CCND1: variants seen among roughly 807,000 people sequenced by gnomAD.
CCND1 encodes cyclin D1, also known as G1/S-specific cyclin-D1.
CCND1 carries 9 observed loss-of-function variants against 26.1 expected under a neutral mutation model. That is an observed-to-expected ratio of 0.35 (90% CI 0.21 to 0.60). CCND1 has a LOEUF of 0.60. Among genes scored for constraint, CCND1 ranks in the 20% least tolerant of loss-of-function variants. The probability of loss-of-function intolerance (pLI) is 0.79; values close to 1 mark genes in which losing one functional copy is unlikely to be tolerated. For synonymous variants in CCND1, 194 were observed against 166.1 expected (o/e 1.17, Z -1.29); for missense variants, 335 against 392.9 (o/e 0.85, Z 1.25).
At position 69,641,442 on chromosome 11, in the gene CCND1, C is replaced by T. The variant is rs1395410503; in HGVS notation, c.129C>T (p.Ser43=). ...AGGAGACCTGCGCGCCCTCGGTGTCCTACTTCAAATGTGTGCAGAAGGAGG... is the reference window on the plus strand; with the variant it reads ...AGGAGACCTGCGCGCCCTCGGTGTCTTACTTCAAATGTGTGCAGAAGGAGG... The part of the protein sequence containing the change: ...KAEETCAPSV[S]YFKCVQKEVL... The change falls in exon 1 of 5, where the codon TCC becomes TCT. Residue 43 remains serine, a synonymous_variant. Transcript: ENST00000227507. 1.9e-6 allele frequency: 3 copies of T among 1,613,492 alleles called. No homozygotes were observed. Among genetic ancestry groups the T allele is most frequent in the Non-Finnish European group, 2.5e-6 (3 of 1,180,030 alleles).
rs1486252402 is a variant in CCND1 at position 69,641,333 on chromosome 11, G to A, written c.20G>A (p.Cys7Tyr). 6.2e-7 allele frequency: 1 copy of A among 1,612,584 alleles called. No homozygotes were observed. The highest frequency in any genetic ancestry group is 2.2e-5 in the East Asian group (1 of 44,864). ...CCAGCCATGGAACACCAGCTCCTGT[G>A]CTGCGAAGTGGAAACCATCCGCCGC... MEHQLL[C>Y]CEVETIRRAY... The change falls in exon 1 of 5, where the codon TGC (cysteine) becomes TAC (tyrosine). Residue 7 changes from cysteine (C) to tyrosine (Y), a missense_variant. Transcript: ENST00000227507.
rs2120089150 is a variant in CCND1, at chr11:69,643,132, G to A, written c.300G>A (p.Gln100=). 6.2e-7 allele frequency: 1 copy of A among 1,610,456 alleles called. No individual in the cohort carries two copies. The highest frequency in any genetic ancestry group is 8.5e-7 in the Non-Finnish European group (1 of 1,178,686). ...AGCCCGTGAAAAAGAGCCGCCTGCAGCTGCTGGGGGCCACTTGCATGTTCG... is the reference window on the plus strand; with the variant it reads ...AGCCCGTGAAAAAGAGCCGCCTGCAACTGCTGGGGGCCACTTGCATGTTCG... ...SLEPVKKSRL[Q]LLGATCMFVA... is the part of the protein sequence containing the mutation. Residue 100 remains glutamine, a synonymous_variant, in exon 2 of 5, where the codon CAG becomes CAA. Coordinates refer to ENST00000227507, the MANE Select transcript of CCND1 (RefSeq NM_053056.3).
intron 2 of CCND1, 61 bp downstream of exon 2, chr11:69,643,307 G>T: frequency 7.2e-7 from 1 of 1,385,798 alleles, no homozygotes; most frequent in Non-Finnish European, 9.9e-7. Context: ...CCACGGGGCC[G>T]GGGAAGGTGC....
chr11:69,647,644 T>C (rs1200613324), intron 3 of CCND1, among the ~76,000 whole-genome samples: 2 of 152,270 alleles, frequency 1.3e-5, no homozygotes. Flanking sequence ...ATTTTGTTTT[T>C]GTGAATACGT....
intron 4 of CCND1, among the ~76,000 whole-genome samples, chr11:69,650,466 G>A (rs1032594698): frequency 1.1e-4 from 17 of 152,208 alleles, no homozygotes; most frequent in Admixed American, 3.3e-4. Flanking sequence ...TTCCAGGAGC[G>A]TCCGTCGCAC....
intron 3 of CCND1, among the ~76,000 whole-genome samples, chr11:69,646,796 C>T (rs1047032126): frequency 3.3e-5 from 5 of 152,194 alleles, no homozygotes; most frequent in Non-Finnish European, 5.9e-5. Context: ...CAAACCAGGA[C>T]GTAATTGGTG....
chr11:69,642,936 C>G, intron 1 of CCND1, 95 bp from the exon 2 acceptor site: 2 of 885,198 alleles, frequency 2.3e-6, no homozygotes, highest in Non-Finnish European at 3.1e-6. Flanking sequence ...GCCCTCCAGA[C>G]CTGGCGGCCC....
Position 69,652,504 on chromosome 11 carries a change from A to G in CCND1, c.*1222A>G, listed in dbSNP as rs1855867600. 8.6e-6 allele frequency: 2 copies of G among 233,278 alleles called. No homozygotes were observed. Among genetic ancestry groups the G allele is most frequent in the Admixed American group, 5.6e-5 (1 of 17,768 alleles). The allele number at this position is 233,278 out of a possible 1,614,324, so 14.5% of individuals were successfully genotyped here. The stretch of plus-strand genomic sequence containing the variant: ...AGAAGAAAAAGGTTTGCATTCTCAC[A>G]TTGCCAGGATGATAAGTTCCTTTCC... On this transcript the variant is annotated 3_prime_UTR_variant, in exon 5 of 5. Coordinates refer to ENST00000227507, the MANE Select transcript of CCND1 (RefSeq NM_053056.3).
At position 69,641,186 on chromosome 11, in the gene CCND1, G is replaced by C. The variant is rs1447382880; in HGVS notation, c.-128G>C. 6 of 920,152 alleles carry C rather than the reference G, an allele frequency of 6.5e-6. No homozygotes were observed. Among genetic ancestry groups the C allele is most frequent in the East Asian group, 4.9e-5 (2 of 40,864 alleles). 57.0% of individuals were successfully genotyped at this position (920,152 alleles called of 1,614,324 possible). On this transcript the variant is annotated 5_prime_UTR_variant, in exon 1 of 5. Transcript: ENST00000227507. Reference sequence around the variant, plus strand: ...GCTGTCGGCGCAGTAGCAGCGAGCAGCAGAGTCCGCACGCTCCGGCGAGGG... The same window carrying C: ...GCTGTCGGCGCAGTAGCAGCGAGCACCAGAGTCCGCACGCTCCGGCGAGGG...
rs1171564865 is a variant in CCND1 at position 69,643,055 on chromosome 11, G to C, written c.223G>C (p.Glu75Gln). Reference sequence around the variant, plus strand: ...GGTCTGCGAGGAACAGAAGTGCGAGGAGGAGGTCTTCCCGCTGGCCATGAA... The same window carrying C: ...GGTCTGCGAGGAACAGAAGTGCGAGCAGGAGGTCTTCCCGCTGGCCATGAA... ...LEVCEEQKCE[E>Q]EVFPLAMNYL... The change falls in exon 2 of 5, where the codon GAG (glutamate) becomes CAG (glutamine). Residue 75 changes from glutamate to glutamine, a missense_variant. Glu to Gln is a conservative substitution (Grantham distance 29). Transcript: ENST00000227507. 7 of 1,606,046 alleles carry C rather than the reference G, an allele frequency of 4.4e-6. No homozygotes were observed. The highest frequency in any genetic ancestry group is 5.9e-6 in the Non-Finnish European group (7 of 1,176,834).
Position 69,653,615 on chromosome 11 carries a change from G to A in CCND1, c.*2333G>A, listed in dbSNP as rs140024500. 19 of 472,936 alleles carry A rather than the reference G, an allele frequency of 4.0e-5. No homozygotes were observed. The highest frequency in any genetic ancestry group is 1.2e-4 in the Admixed American group (3 of 24,600). The allele number at this position is 472,936 out of a possible 1,614,324, so 29.3% of individuals were successfully genotyped here. ...GGGGGCCGGCCCCGAGGCCGCGTGC[G>A]TGAGAACCGCGCCGGTGTCCCCAGA... On this transcript the variant is annotated 3_prime_UTR_variant, in exon 5 of 5. Coordinates refer to ENST00000227507, the MANE Select transcript of CCND1 (RefSeq NM_053056.3).
intron 2 of CCND1, 188 bp downstream of exon 2, chr11:69,643,434 C>T: frequency 2.0e-6 from 1 of 506,198 alleles, no homozygotes; most frequent in Non-Finnish European, 3.4e-6. Context: ...CGTCCCGCCG[C>T]CCTGTGTGCG....
At position 69,643,824 on chromosome 11, in the gene CCND1, G is replaced by A. The variant is rs762325000; in HGVS notation, c.415-8G>A. ...CTCCCCTGATGGCCGCTCACCCTGT[G>A]TTCGCAGCAAATGGAGCTGCTCCTG... is the stretch of plus-strand genomic sequence containing the variant. On this transcript the variant is annotated splice_region_variant and splice_polypyrimidine_tract_variant and intron_variant, in intron 2 of 4. Coordinates refer to ENST00000227507, the MANE Select transcript of CCND1 (RefSeq NM_053056.3). 2 of 1,602,146 alleles carry A rather than the reference G, an allele frequency of 1.2e-6. No homozygotes were observed. The highest frequency in any genetic ancestry group is 3.4e-5 in the Admixed American group (2 of 59,694).
chr11:69,646,131 G>T (rs970955048), intron 3 of CCND1, among the ~76,000 whole-genome samples: 2 of 152,176 alleles, frequency 1.3e-5, no homozygotes, highest in African/African-American at 4.8e-5. Flanking sequence ...CCTGGAGACG[G>T]GGGGGTGCAC....
Position 69,643,150 on chromosome 11 carries a change from C to T in CCND1, c.318C>T (p.Cys106=), listed in dbSNP as rs2120089337. 3 of 1,609,598 alleles carry T rather than the reference C, an allele frequency of 1.9e-6. No individual in the cohort carries two copies. Among genetic ancestry groups the T allele is most frequent in the Admixed American group, 1.7e-5 (1 of 59,562 alleles). Reference sequence around the variant, plus strand: ...GCCTGCAGCTGCTGGGGGCCACTTGCATGTTCGTGGCCTCTAAGATGAAGG... The same window carrying T: ...GCCTGCAGCTGCTGGGGGCCACTTGTATGTTCGTGGCCTCTAAGATGAAGG... ...KSRLQLLGAT[C]MFVASKMKET... Residue 106 remains cysteine (C), a synonymous_variant, in exon 2 of 5, where the codon TGC becomes TGT. Transcript: ENST00000227507.
chr11:69,645,156 C>T (rs1016271721), intron 3 of CCND1, among the ~76,000 whole-genome samples: 2 of 152,188 alleles, frequency 1.3e-5, no homozygotes, highest in Non-Finnish European at 2.9e-5. Flanking sequence ...CCAAGGATGT[C>T]GACCAGTCTG....
rs763182769 is a variant in CCND1 at position 69,651,088 on chromosome 11, T to TCCCACCTCTC, written c.724-23_724-14dup. ...CAGGCCCCTTCTAAGGACCCCCTCT[T>TCCCACCTCTC]CCCACCTCTCCCCACCCTCTCTCTC... On this transcript the variant is annotated intron_variant, in intron 4 of 4. Coordinates refer to ENST00000227507, the MANE Select transcript of CCND1 (RefSeq NM_053056.3). 6 of 1,601,020 alleles carry TCCCACCTCTC rather than the reference T, an allele frequency of 3.7e-6. No homozygotes were observed. In the African/African-American group the frequency reaches 6.8e-5, roughly 18 times the overall value.
At position 69,652,982 on chromosome 11, in the gene CCND1, T is replaced by A; in HGVS notation, c.*1700T>A. On this transcript the variant is annotated 3_prime_UTR_variant, in exon 5 of 5. Transcript: ENST00000227507. ...GGCATGGGTGCAAGGAAAATTAGGG[T>A]ACTCAACCTAAGTTCGGTTCCGATG... 2.6e-6 allele frequency: 1 copy of A among 380,268 alleles called. No homozygotes were observed. Among genetic ancestry groups the A allele is most frequent in the Non-Finnish European group, 4.7e-6 (1 of 213,144 alleles). 23.6% of individuals were successfully genotyped at this position (380,268 alleles called of 1,614,324 possible). A position where few individuals can be genotyped will look rare whatever the true frequency, so the allele number is the denominator to read the frequency against.
chr11:69,646,382 C>A (rs1565072210), intron 3 of CCND1, among the ~76,000 whole-genome samples: 1 of 152,168 alleles, frequency 6.6e-6, no homozygotes, highest in East Asian at 1.9e-4. Flanking sequence ...TTCTTCCCGG[C>A]CCCTCGCCGG....
Sources: gnomAD v4.1 joint callset for allele counts (sites outside exome capture counted in the v4.1 genomes callset) on GRCh38, gnomAD v4.1.1 for gene constraint, MANE v1.5 for transcripts, NCBI Gene and HGNC (gene_info 2026-07-23, HGNC 2026-07-21) for gene names.